Variants in SYNPR observed in about 807,000 individuals in gnomAD.
The protein encoded by SYNPR is synaptoporin.
A neutral mutation model predicts 32.9 loss-of-function variants in SYNPR; 23 were observed. The observed-to-expected ratio is 0.70, with a 90% CI of 0.50 to 0.99. The LOEUF is 0.99. Among genes scored for constraint, SYNPR ranks in the 50% least tolerant of loss-of-function variants. The pLI, the probability that SYNPR is intolerant of heterozygous loss-of-function variation, is 0.00. For synonymous variants in SYNPR, 146 were observed against 135.9 expected (o/e 1.07, Z -0.52); for missense variants, 318 against 349.3 (o/e 0.91, Z 0.71).
intron 3 of SYNPR, among the ~76,000 whole-genome samples, chr3:63,501,749 C>T (rs76760936): frequency 0.21 from 32,218 of 151,832 alleles, 3,789 homozygotes; most frequent in African/African-American, 0.31. Context: ...TAATTGACTA[C>T]ATTGTTATCT....
intron 2 of SYNPR, among the ~76,000 whole-genome samples, chr3:63,398,078 C>A (rs1046964058): frequency 1.3e-5 from 2 of 152,030 alleles, no homozygotes; most frequent in African/African-American, 4.8e-5. Flanking sequence ...TTTAGAAGAG[C>A]CTGGGCTGCA....
At chr3:63,521,745 G>A (rs1701918995) in intron 3 of SYNPR, among the ~76,000 whole-genome samples, 1 of 152,148 alleles carries the variant, frequency 6.6e-6, no homozygotes, top group African/African-American at 2.4e-5. Flanking sequence ...TATTAGTCAG[G>A]GCCCTTGCAG....
intron 2 of SYNPR, among the ~76,000 whole-genome samples, chr3:63,388,691 C>T (rs926105305): frequency 2.0e-5 from 3 of 151,728 alleles, no homozygotes; most frequent in Non-Finnish European, 4.4e-5. Context: ...AAGTTGCTAA[C>T]GCCTGGGATT....
intron 2 of SYNPR, among the ~76,000 whole-genome samples, chr3:63,465,827 T>G (rs906913620): frequency 6.6e-6 from 1 of 152,220 alleles, no homozygotes; most frequent in Non-Finnish European, 1.5e-5. Flanking sequence ...AATCTCATAT[T>G]TTTATAGTTT....
intron 3 of SYNPR, among the ~76,000 whole-genome samples, chr3:63,485,244 A>G (rs1701124196): frequency 6.6e-6 from 1 of 152,168 alleles, no homozygotes; most frequent in Non-Finnish European, 1.5e-5. Context: ...GGTCACTGAA[A>G]GACACCAAAA....
intron 2 of SYNPR, among the ~76,000 whole-genome samples, chr3:63,462,338 T>C (rs183684712): frequency 3.9e-5 from 6 of 152,302 alleles, no homozygotes; most frequent in Admixed American, 6.5e-5. Flanking sequence ...TTTCTTGCTA[T>C]ATACATAAAT....
chr3:63,457,253 A>G (rs1341855030), intron 2 of SYNPR, among the ~76,000 whole-genome samples: 1 of 152,118 alleles, frequency 6.6e-6, no homozygotes, highest in Admixed American at 6.6e-5. Flanking sequence ...GTAAACTCTG[A>G]CTACCCCTCC....
intron 2 of SYNPR, among the ~76,000 whole-genome samples, chr3:63,475,862 G>A (rs954040751): frequency 8.5e-5 from 13 of 152,110 alleles, no homozygotes; most frequent in African/African-American, 3.1e-4. Flanking sequence ...ATTAGGAATT[G>A]CACTTAGTTT....
chr3:63,218,101 C>G, the SYNPR span, among the ~76,000 whole-genome samples: 1 of 152,034 alleles, frequency 6.6e-6, no homozygotes. Context: ...CCATTGCACA[C>G]CAGCCTGAGT....
At chr3:63,482,981 G>A (rs1419043806) in intron 3 of SYNPR, among the ~76,000 whole-genome samples, 2 of 152,160 alleles carry the variant, frequency 1.3e-5, no homozygotes, top group African/African-American at 4.8e-5. Flanking sequence ...ATTATAAAGG[G>A]TGGAGAGAAA....
chr3:63,511,285 A>G (rs9851316), intron 3 of SYNPR, among the ~76,000 whole-genome samples: 106,131 of 151,940 alleles, frequency 0.7, 38,082 homozygotes, highest in African/African-American at 0.87. Context: ...TCTCTGTTTA[A>G]CATTCCTTGT....
chr3:63,201,864 T>C, the SYNPR span, among the ~76,000 whole-genome samples: 1 of 152,174 alleles, frequency 6.6e-6, no homozygotes, highest in African/African-American at 2.4e-5. Flanking sequence ...TATAGGCTAC[T>C]ATTTTTACTA....
At chr3:63,513,044 C>G (rs941963072) in intron 3 of SYNPR, among the ~76,000 whole-genome samples, 21 of 152,004 alleles carry the variant, frequency 1.4e-4, no homozygotes, top group Admixed American at 1.4e-3. Flanking sequence ...GATTAAGAGA[C>G]TGAGGGCCAG....
At chr3:63,201,131 G>A in the SYNPR span, among the ~76,000 whole-genome samples, 1 of 152,138 alleles carries the variant, frequency 6.6e-6, no homozygotes, top group Admixed American at 6.6e-5. Flanking sequence ...CTGAACAACT[G>A]TCTCAAGATT....
chr3:63,373,823 G>A (rs990472703), intron 2 of SYNPR, among the ~76,000 whole-genome samples: 5 of 152,178 alleles, frequency 3.3e-5, no homozygotes, highest in Non-Finnish European at 2.9e-5. Flanking sequence ...GTTAAAGGCA[G>A]CTAGAGAGAA....
intron 2 of SYNPR, among the ~76,000 whole-genome samples, chr3:63,457,066 T>G (rs1465038243): frequency 6.6e-6 from 1 of 152,100 alleles, no homozygotes; most frequent in East Asian, 1.9e-4. Flanking sequence ...AAGCTTTGCC[T>G]GTTTCTCCCT....
At chr3:63,220,584 T>A in the SYNPR span, among the ~76,000 whole-genome samples, 217 of 152,296 alleles carry the variant, frequency 1.4e-3, 2 homozygotes, top group African/African-American at 4.3e-3. Context: ...GGTCACTTTC[T>A]GTGGGATTTC....
At chr3:63,356,271 A>G (rs1195189233) in intron 2 of SYNPR, among the ~76,000 whole-genome samples, 1 of 152,210 alleles carries the variant, frequency 6.6e-6, no homozygotes, top group African/African-American at 2.4e-5. Context: ...TATCTTACCA[A>G]ATAATCCTGG....
At chr3:63,485,042 T>G (rs1202248085) in intron 3 of SYNPR, among the ~76,000 whole-genome samples, 2 of 152,158 alleles carry the variant, frequency 1.3e-5, no homozygotes, top group African/African-American at 2.4e-5. Flanking sequence ...GAGATGCTTG[T>G]TAGAAGCACA....
Sources: gnomAD v4.1 joint callset for allele counts (sites outside exome capture counted in the v4.1 genomes callset) on GRCh38, gnomAD v4.1.1 for gene constraint, MANE v1.5 for transcripts, NCBI Gene and HGNC (gene_info 2026-07-23, HGNC 2026-07-21) for gene names.